The following KCNQ5 variants were observed in gnomAD, a reference collection of about 807,000 sequenced individuals.
KCNQ5 encodes the protein potassium voltage-gated channel subfamily KQT member 5.
In KCNQ5, 30 loss-of-function variants were observed where a neutral mutation model predicts 98.2. That is an observed-to-expected ratio of 0.31 (90% confidence interval 0.23 to 0.41). The LOEUF is 0.41. KCNQ5 is among the 10% of genes least tolerant of loss of function. KCNQ5 has a pLI of 1.00. For synonymous variants in KCNQ5, 458 were observed against 449.4 expected (o/e 1.02, Z -0.24); for missense variants, 835 against 1,182.5 (o/e 0.71, Z 4.31).
intron 1 of KCNQ5, among the ~76,000 whole-genome samples, chr6:72,913,672 T>C (rs1420952862): frequency 1.3e-5 from 2 of 152,340 alleles, no homozygotes; most frequent in East Asian, 3.9e-4. Flanking sequence ...TCTGTAGACA[T>C]TTTAAACAGT....
intron 1 of KCNQ5, among the ~76,000 whole-genome samples, chr6:72,903,214 T>G (rs1052303037): frequency 6.6e-5 from 10 of 152,156 alleles, no homozygotes; most frequent in African/African-American, 1.7e-4. Context: ...TTATTTGGAT[T>G]CTCTCTCTTC....
intron 10 of KCNQ5, among the ~76,000 whole-genome samples, chr6:73,156,257 T>G (rs1777358700): frequency 6.6e-6 from 1 of 152,246 alleles, no homozygotes; most frequent in African/African-American, 2.4e-5. Context: ...TCACCACCAT[T>G]AATAGTAGCC....
chr6:73,075,970 GAGCAGAGC>G (rs1773523257), intron 3 of KCNQ5, among the ~76,000 whole-genome samples: 1 of 152,210 alleles, frequency 6.6e-6, no homozygotes. Flanking sequence ...AGGTTGCAGT[GAGCAGAGC>G]TCATGCCAGT....
At chr6:72,667,814 A>T (rs1017746157) in intron 1 of KCNQ5, among the ~76,000 whole-genome samples, 2 of 152,236 alleles carry the variant, frequency 1.3e-5, no homozygotes, top group African/African-American at 4.8e-5. Context: ...GCATAATCTT[A>T]ATCTAATGAG....
chr6:73,159,993 T>G (rs868496412), intron 10 of KCNQ5, among the ~76,000 whole-genome samples: 7 of 136,404 alleles, frequency 5.1e-5, no homozygotes, highest in Non-Finnish European at 8.4e-5. Flanking sequence ...CTATGGTTTT[T>G]TTTGTTTGTT....
At chr6:73,079,786 A>T (rs1258996021) in intron 5 of KCNQ5, among the ~76,000 whole-genome samples, 1 of 152,214 alleles carries the variant, frequency 6.6e-6, no homozygotes, top group Non-Finnish European at 1.5e-5. Flanking sequence ...TACTTTTTAT[A>T]TGTAGAGAGC....
intron 1 of KCNQ5, among the ~76,000 whole-genome samples, chr6:72,889,677 A>T (rs1042337516): frequency 2.0e-5 from 3 of 152,162 alleles, no homozygotes; most frequent in African/African-American, 7.2e-5. Flanking sequence ...ATTTTAGTCA[A>T]TTACCAAATG....
At chr6:72,801,401 G>A (rs1350664582) in intron 1 of KCNQ5, among the ~76,000 whole-genome samples, 17 of 131,898 alleles carry the variant, frequency 1.3e-4, no homozygotes, top group African/African-American at 4.6e-4. Flanking sequence ...TGTCTCTTTT[G>A]ATCTTTGTTG....
chr6:72,772,410 T>C (rs770832183), intron 1 of KCNQ5, among the ~76,000 whole-genome samples: 4 of 152,142 alleles, frequency 2.6e-5, no homozygotes, highest in Non-Finnish European at 5.9e-5. Flanking sequence ...TTATAATATT[T>C]ATATATAACT....
intron 1 of KCNQ5, among the ~76,000 whole-genome samples, chr6:72,944,269 A>C (rs1331972254): frequency 3.9e-5 from 6 of 152,164 alleles, no homozygotes; most frequent in African/African-American, 1.2e-4. Flanking sequence ...CTTTTGCCAC[A>C]TTTTGTGAGA....
intron 1 of KCNQ5, among the ~76,000 whole-genome samples, chr6:72,659,647 G>A (rs1157716198): frequency 6.6e-6 from 1 of 152,118 alleles, no homozygotes; most frequent in Non-Finnish European, 1.5e-5. Context: ...GGGCAAAAAA[G>A]GGATTAGGGT....
intron 3 of KCNQ5, among the ~76,000 whole-genome samples, chr6:73,063,652 T>TGATAGATA (rs1263608684): frequency 3.8e-5 from 5 of 133,006 alleles, no homozygotes; most frequent in African/African-American, 1.1e-4. Context: ...TACAGATAGA[T>TGATAGATA]GATAGATAGA....
intron 1 of KCNQ5, among the ~76,000 whole-genome samples, chr6:72,734,801 C>A (rs1420748398): frequency 6.6e-6 from 1 of 151,922 alleles, no homozygotes; most frequent in Non-Finnish European, 1.5e-5. Context: ...TTAAGATTAC[C>A]CAGTTTAGGC....
At chr6:73,044,777 A>T (rs1771887268) in intron 3 of KCNQ5, among the ~76,000 whole-genome samples, 1 of 152,222 alleles carries the variant, frequency 6.6e-6, no homozygotes, top group Non-Finnish European at 1.5e-5. Context: ...AGCATCTCTT[A>T]TCTGTCCCTG....
intron 3 of KCNQ5, among the ~76,000 whole-genome samples, chr6:73,067,933 C>T (rs80341722): frequency 1.4e-3 from 208 of 150,330 alleles, no homozygotes; most frequent in African/African-American, 5.0e-3. Flanking sequence ...AATCTTACCA[C>T]CTAAAGATAA....
At chr6:73,004,509 G>A (rs1582175143) in intron 2 of KCNQ5, among the ~76,000 whole-genome samples, 2 of 152,306 alleles carry the variant, frequency 1.3e-5, no homozygotes, top group African/African-American at 2.4e-5. Flanking sequence ...TGCTAATGCA[G>A]TTACCTGGTG....
At chr6:72,892,518 G>A (rs946010097) in intron 1 of KCNQ5, among the ~76,000 whole-genome samples, 12 of 152,098 alleles carry the variant, frequency 7.9e-5, no homozygotes, top group African/African-American at 2.4e-4. Context: ...TGGCAGATTC[G>A]GAGATTTCAA....
chr6:72,751,358 G>A (rs1289008669), intron 1 of KCNQ5, among the ~76,000 whole-genome samples: 2 of 151,538 alleles, frequency 1.3e-5, no homozygotes, highest in Non-Finnish European at 2.9e-5. Context: ...AACATAAGTC[G>A]AAGCCAGATT....
intron 1 of KCNQ5, chr6:72,987,127 G>A: frequency 1.5e-6 from 1 of 659,590 alleles, no homozygotes; most frequent in Non-Finnish European, 2.8e-6. Context: ...ATCCCCAAAG[G>A]AGATGGCCCT....
Sources: allele counts gnomAD v4.1 joint callset (sites outside exome capture counted in the v4.1 genomes callset), GRCh38; gene constraint gnomAD v4.1.1; transcripts MANE v1.5; gene names NCBI Gene and HGNC (gene_info 2026-07-23, HGNC 2026-07-21).